The following ZNF718 variants were observed in gnomAD, a reference collection of about 807,000 sequenced individuals.
The protein encoded by ZNF718 is zinc finger protein 718.
ZNF718 carries 3 observed loss-of-function variants against 2.6 expected under a neutral mutation model. The observed-to-expected ratio is 1.16, with a 90% CI of 0.53 to 3.01. The LOEUF is 3.01. Among genes scored for constraint, ZNF718 ranks in the 30% most tolerant of loss-of-function variants. The pLI is 0.03. For synonymous variants in ZNF718, 135 were observed against 77.9 expected (o/e 1.73, Z -3.86); for missense variants, 468 against 230.0 (o/e 2.03, Z -6.69).
intron 3 of ZNF718, among the ~76,000 whole-genome samples, chr4:170,319 A>G (rs988766740): frequency 9.2e-5 from 14 of 152,080 alleles, no homozygotes; most frequent in African/African-American, 3.4e-4. Flanking sequence ...TCTGACAATT[A>G]TGTGTCTTGG....
At chr4:164,894 G>A (rs1425089958), downstream of ZNF718, among the ~76,000 whole-genome samples, 2 of 152,062 alleles carry the variant, frequency 1.3e-5, no homozygotes, top group African/African-American at 2.4e-5. Context: ...CCATAATTAG[G>A]TATAAATATT....
chr4:172,264 A>G lies in ZNF718; in HGVS notation c.227-28817A>G, dbSNP rs138718546. Among the ~76,000 whole-genome samples the G allele has an allele frequency of 3.5e-4, 53 of 152,310 alleles. 1 individual carries two copies. In the East Asian group the frequency reaches 9.6e-3, roughly 28 times the overall value. On this transcript the variant is annotated intron_variant and NMD_transcript_variant, in intron 3 of 4. Coordinates refer to the ZNF718 transcript ENST00000642529. ...TATTTCACTTGGCATAATGTACTCT[A>G]AATTTATCCATATTGTTTCAAATGA...
chr4:192,435 G>A (rs782520555), intron 3 of ZNF718, among the ~76,000 whole-genome samples: 25 of 152,140 alleles, frequency 1.6e-4, no homozygotes, highest in Non-Finnish European at 3.4e-4. Flanking sequence ...GATTGGTGGG[G>A]TGTGAGCTGA....
chr4:148,564 AC>A (rs1317002907), intron 3 of ZNF718, among the ~76,000 whole-genome samples: 6 of 145,496 alleles, frequency 4.1e-5, no homozygotes, highest in African/African-American at 7.7e-5. Flanking sequence ...AGCAAATATC[AC>A]GCCATTGCAC....
chr4:135,246 A>AAG (rs1356346535), intron 3 of ZNF718, among the ~76,000 whole-genome samples: 1 of 151,754 alleles, frequency 6.6e-6, no homozygotes, highest in East Asian at 1.9e-4. Flanking sequence ...TCTTAAAAAA[A>AAG]AAAAAAAAAA....
At position 148,127 on chromosome 4, in the gene ZNF718, C is replaced by T. The variant is rs535138942; in HGVS notation, c.227-12785C>T. ...TTATGCCTTCAGATTTCTGGGCGGG[C>T]AGGACTGCTCCCAGACTCTAGCGGA... On this transcript the variant is annotated intron_variant, in intron 3 of 3. Coordinates refer to ENST00000510175, the MANE Select transcript of ZNF718 (RefSeq NM_001039127.6). Among the ~76,000 whole-genome samples the T allele has an allele frequency of 6.6e-5, 10 of 152,214 alleles. No individual in the cohort carries two copies. In the East Asian group the frequency reaches 1.2e-3, roughly 18 times the overall value.
At chr4:184,365 G>C (rs2108814235) in intron 3 of ZNF718, among the ~76,000 whole-genome samples, 1 of 152,190 alleles carries the variant, frequency 6.6e-6, no homozygotes, top group African/African-American at 2.4e-5. Context: ...AACCTACTTG[G>C]TCATGGTGGA....
At chr4:149,190 T>A (rs1247753512) in intron 3 of ZNF718, among the ~76,000 whole-genome samples, 1 of 152,202 alleles carries the variant, frequency 6.6e-6, no homozygotes, top group Non-Finnish European at 1.5e-5. Context: ...AATTCAAAAT[T>A]TCTGAAATAA....
At chr4:159,330 C>T (rs1553814435) in intron 3 of ZNF718, among the ~76,000 whole-genome samples, 1 of 152,102 alleles carries the variant, frequency 6.6e-6, no homozygotes, top group Non-Finnish European at 1.5e-5. Context: ...GCCACTGTGC[C>T]TGGCCGAAGC....
At position 131,389 on chromosome 4, in the gene ZNF718, A is replaced by AT. The variant is rs1243315989; in HGVS notation, c.131-11dup. ...AGTATCCCCAGCAATAGTCATGTTA[A>AT]TTTTTTTTTTAATAAAACAGGTGTT... On this transcript the variant is annotated intron_variant, in intron 2 of 3. Transcript: ENST00000510175. The AT allele has an allele frequency of 4.0e-3, 1,398 of 349,746 alleles. 16 individuals carry two copies. The highest frequency in any genetic ancestry group is 5.1e-3 in the South Asian group (85 of 16,762). 21.7% of individuals were successfully genotyped at this position (349,746 alleles called of 1,614,324 possible). A position where few individuals can be genotyped will look rare whatever the true frequency, so the allele number is the denominator to read the frequency against.
At chr4:124,729 G>A in intron 1 of ZNF718, 56 bp downstream of exon 1, 1 of 1,601,754 alleles carries the variant, frequency 6.2e-7, no homozygotes, top group South Asian at 1.1e-5. Context: ...GGAACCGGCG[G>A]GAAATGGCGG....
intron 3 of ZNF718, among the ~76,000 whole-genome samples, chr4:188,460 T>G (rs1717614664): frequency 6.6e-6 from 1 of 152,166 alleles, no homozygotes; most frequent in Admixed American, 6.5e-5. Flanking sequence ...TCCAAGCCAG[T>G]GGGTCTTATC....
At chr4:181,158 CTT>C (rs782164295) in intron 3 of ZNF718, among the ~76,000 whole-genome samples, 7 of 51,082 alleles carry the variant, frequency 1.4e-4, no homozygotes, top group African/African-American at 3.7e-4. Flanking sequence ...CAGTGCCCAG[CTT>C]TTTTTTTTTT....
At chr4:142,920 T>G (rs1461138072) in intron 3 of ZNF718, among the ~76,000 whole-genome samples, 1 of 152,210 alleles carries the variant, frequency 6.6e-6, no homozygotes, top group Non-Finnish European at 1.5e-5. Flanking sequence ...ACTCTTGGTA[T>G]TTTCCTCCCA....
At chr4:135,112 C>T (rs1475667547) in intron 3 of ZNF718, among the ~76,000 whole-genome samples, 1 of 151,828 alleles carries the variant, frequency 6.6e-6, no homozygotes, top group Admixed American at 6.6e-5. Flanking sequence ...CGTGGTGGCA[C>T]GCGCCTGTAG....
downstream of ZNF718, among the ~76,000 whole-genome samples, chr4:164,416 A>T (rs1717038454): frequency 6.7e-6 from 1 of 149,948 alleles, no homozygotes; most frequent in Non-Finnish European, 1.5e-5. Context: ...TCTGGAATCA[A>T]ATCTACACTA....
intron 3 of ZNF718, among the ~76,000 whole-genome samples, chr4:140,422 G>A (rs1715764197): frequency 6.6e-6 from 1 of 152,114 alleles, no homozygotes; most frequent in Non-Finnish European, 1.5e-5. Flanking sequence ...TTTGGAATTT[G>A]GAGTTTACTG....
At chr4:140,510 T>G (rs1221768205) in intron 3 of ZNF718, among the ~76,000 whole-genome samples, 1 of 152,204 alleles carries the variant, frequency 6.6e-6, no homozygotes, top group African/African-American at 2.4e-5. Context: ...CTGGTTAATG[T>G]GTGATGCCCT....
In ZNF718 at chr4:160,948, T is replaced by C; in HGVS notation, c.263T>C (p.Val88Ala). 1 of 780,606 alleles carries C rather than the reference T, an allele frequency of 1.3e-6. No homozygotes were observed. The allele number at this position is 780,606 out of a possible 1,614,324, so 48.4% of individuals were successfully genotyped here. The part of the protein sequence containing the change: ...CSHFTQNLWT[V>A]QGIEDSFHKL... Reference sequence around the variant, plus strand: ...CATTTCACCCAAAACCTTTGGACAGTGCAGGGCATAGAAGATTCATTCCAC... The same window carrying C: ...CATTTCACCCAAAACCTTTGGACAGCGCAGGGCATAGAAGATTCATTCCAC... The change falls in exon 4 of 4, where the codon GTG becomes GCG. Residue 88 changes from valine (V) to alanine (A), a missense_variant. Transcript: ENST00000510175.
Sources: gnomAD v4.1 joint callset for allele counts (sites outside exome capture counted in the v4.1 genomes callset) on GRCh38, gnomAD v4.1.1 for gene constraint, MANE v1.5 for transcripts, NCBI Gene and HGNC (gene_info 2026-07-23, HGNC 2026-07-21) for gene names.